The following DPYSL5 variants were observed in gnomAD, a reference collection of about 807,000 sequenced individuals.
DPYSL5 encodes the protein dihydropyrimidinase like 5.
A neutral mutation model predicts 58.4 loss-of-function variants in DPYSL5; 9 were observed. The ratio of observed to expected loss-of-function variants is 0.15; its 90% CI spans 0.09 to 0.27. DPYSL5 has a LOEUF of 0.27. Among genes scored for constraint, DPYSL5 ranks in the 10% least tolerant of loss-of-function variants. The pLI is 1.00. For missense variants in DPYSL5, 499 were observed against 770.6 expected, an observed-to-expected ratio of 0.65 and a Z score of 4.17; for synonymous variants, 293 against 301.9, an observed-to-expected ratio of 0.97 and a Z score of 0.31.
At chr2:26,910,440 G>A (rs915349268) in intron 2 of DPYSL5, among the ~76,000 whole-genome samples, 1 of 152,002 alleles carries the variant, frequency 6.6e-6, no homozygotes, top group Non-Finnish European at 1.5e-5. Context: ...ATCTCAGTGT[G>A]GTTACAATGT....
chr2:26,857,889 T>C (rs1312166126), intron 1 of DPYSL5, among the ~76,000 whole-genome samples: 2 of 152,234 alleles, frequency 1.3e-5, no homozygotes, highest in Admixed American at 1.3e-4. Context: ...CTCATGTTCA[T>C]GGCCAGTATC....
intron 1 of DPYSL5, among the ~76,000 whole-genome samples, chr2:26,854,633 T>TA (rs775813803): frequency 6.6e-6 from 1 of 152,234 alleles, no homozygotes; most frequent in Admixed American, 6.5e-5. Context: ...TTACCTTGTT[T>TA]AAAATAGAAT....
At chr2:26,883,788 A>G (rs1251810263) in intron 1 of DPYSL5, among the ~76,000 whole-genome samples, 6 of 152,204 alleles carry the variant, frequency 3.9e-5, no homozygotes, top group African/African-American at 1.4e-4. Context: ...ACTAATTTTC[A>G]GCTTAAAAGA....
intron 1 of DPYSL5, among the ~76,000 whole-genome samples, chr2:26,895,442 T>G (rs1487773745): frequency 6.6e-6 from 1 of 152,192 alleles, no homozygotes; most frequent in East Asian, 1.9e-4. Context: ...TATGTGTGTT[T>G]TTTCTTTTTT....
chr2:26,906,733 C>G (rs1664302510), intron 2 of DPYSL5, among the ~76,000 whole-genome samples: 2 of 152,140 alleles, frequency 1.3e-5, no homozygotes, highest in African/African-American at 4.8e-5. Flanking sequence ...TCCACTCCAC[C>G]TATTTTGCTT....
At chr2:26,932,143 G>GAA (rs1473698498) in intron 6 of DPYSL5, among the ~76,000 whole-genome samples, 17 of 43,738 alleles carry the variant, frequency 3.9e-4, no homozygotes, top group African/African-American at 1.3e-3. Context: ...GAAAGAGAAA[G>GAA]AAAGAAAGAA....
At chr2:26,860,340 C>T (rs1175270592) in intron 1 of DPYSL5, among the ~76,000 whole-genome samples, 1 of 152,222 alleles carries the variant, frequency 6.6e-6, no homozygotes, top group Non-Finnish European at 1.5e-5. Flanking sequence ...CGCCTCTCCC[C>T]TCCTGTGTCT....
intron 1 of DPYSL5, among the ~76,000 whole-genome samples, chr2:26,871,298 G>A (rs1375677573): frequency 6.6e-6 from 1 of 151,972 alleles, no homozygotes; most frequent in Non-Finnish European, 1.5e-5. Flanking sequence ...TTTTTATAAT[G>A]GAACACCATC....
At chr2:26,862,141 C>A (rs1666031894) in intron 1 of DPYSL5, among the ~76,000 whole-genome samples, 1 of 152,154 alleles carries the variant, frequency 6.6e-6, no homozygotes, top group Non-Finnish European at 1.5e-5. Context: ...TTGTGAGGCT[C>A]TAAGCAGAGG....
At chr2:26,946,867 G>A (rs781272425) in intron 12 of DPYSL5, 43 bp from the exon 13 acceptor site, 2 of 1,538,288 alleles carry the variant, frequency 1.3e-6, no homozygotes, top group East Asian at 4.5e-5. Flanking sequence ...TTTGTTAGCA[G>A]GCACAAGAGC....
chr2:26,894,377 A>G (rs1663961751), intron 1 of DPYSL5, among the ~76,000 whole-genome samples: 1 of 152,134 alleles, frequency 6.6e-6, no homozygotes, highest in African/African-American at 2.4e-5. Flanking sequence ...ACTCGCTTAT[A>G]TGCCTGTCTC....
At chr2:26,888,240 T>TCTTC (rs1663774983) in intron 1 of DPYSL5, among the ~76,000 whole-genome samples, 7 of 146,100 alleles carry the variant, frequency 4.8e-5, no homozygotes, top group Non-Finnish European at 1.0e-4. Context: ...TTTCTTTCTT[T>TCTTC]CTTTCTTTCT....
chr2:26,878,270 C>T (rs1486184240), intron 1 of DPYSL5, among the ~76,000 whole-genome samples: 1 of 152,148 alleles, frequency 6.6e-6, no homozygotes, highest in Non-Finnish European at 1.5e-5. Flanking sequence ...TTTTCATTTG[C>T]CTATTAGCTA....
chr2:26,882,040 G>T (rs559392496), intron 1 of DPYSL5, among the ~76,000 whole-genome samples: 2 of 133,968 alleles, frequency 1.5e-5, no homozygotes, highest in Non-Finnish European at 3.1e-5. Context: ...GCAGTGAGCC[G>T]AGATCACACC....
At chr2:26,894,540 G>A (rs558420619) in intron 1 of DPYSL5, among the ~76,000 whole-genome samples, 1 of 152,268 alleles carries the variant, frequency 6.6e-6, no homozygotes, top group African/African-American at 2.4e-5. Context: ...ACAAGTGAGG[G>A]CCTTGTTTGT....
In DPYSL5 at chr2:26,863,801, C is replaced by T. The variant is rs79267447; in HGVS notation, c.-5+15547C>T. Among the ~76,000 whole-genome samples, 41 of 152,296 alleles carry T rather than the reference C, an allele frequency of 2.7e-4. 1 individual carries two copies. In the East Asian group the frequency reaches 7.7e-3, roughly 29 times the overall value. On this transcript the variant is annotated intron_variant, in intron 1 of 12. Transcript: ENST00000288699. ...TCTCTAGGGATTGGCTGATTCTAAA[C>T]ATTTCATATACATAGAATCGTACAA...
intron 4 of DPYSL5, 46 bp from the exon 5 acceptor site, chr2:26,928,209 G>C: frequency 1.3e-6 from 2 of 1,592,924 alleles, no homozygotes; most frequent in African/African-American, 1.3e-5. Flanking sequence ...TTCTTACACG[G>C]TGTCTCTGTG....
intron 1 of DPYSL5, among the ~76,000 whole-genome samples, chr2:26,855,394 A>G (rs1326642220): frequency 6.6e-6 from 1 of 151,728 alleles, no homozygotes. Flanking sequence ...GCGGCACTGC[A>G]CTCCAGCCTG....
intron 1 of DPYSL5, among the ~76,000 whole-genome samples, chr2:26,884,280 C>G (rs1044891272): frequency 6.6e-6 from 1 of 152,178 alleles, no homozygotes; most frequent in Non-Finnish European, 1.5e-5. Flanking sequence ...GTACACCTGT[C>G]TGTCCTTCTT....
Sources: allele counts gnomAD v4.1 joint callset (sites outside exome capture counted in the v4.1 genomes callset), GRCh38; gene constraint gnomAD v4.1.1; transcripts MANE v1.5; gene names NCBI Gene and HGNC (gene_info 2026-07-23, HGNC 2026-07-21).